The following FBXL7 variants were observed in gnomAD, a reference collection of about 807,000 sequenced individuals.
FBXL7 encodes F-box and leucine rich repeat protein 7, also known as F-box/LRR-repeat protein 7.
A neutral mutation model predicts 38.3 loss-of-function variants in FBXL7; 12 were observed. That is an observed-to-expected ratio of 0.31 (90% CI 0.20 to 0.51). FBXL7 has a LOEUF of 0.51. Among genes scored for constraint, FBXL7 ranks in the 20% least tolerant of loss-of-function variants. FBXL7 has a pLI of 0.98. For missense variants in FBXL7, 567 were observed against 676.4 expected, an observed-to-expected ratio of 0.84 and a Z score of 1.79; for synonymous variants, 297 against 300.9, an observed-to-expected ratio of 0.99 and a Z score of 0.13.
intron 2 of FBXL7, among the ~76,000 whole-genome samples, chr5:15,730,105 A>G (rs1170294516): frequency 6.6e-6 from 1 of 152,222 alleles, no homozygotes; most frequent in African/African-American, 2.4e-5. Flanking sequence ...AGGAAGATAT[A>G]TGCCCATATT....
chr5:15,758,882 TTAGAG>T (rs1310270522), intron 2 of FBXL7, among the ~76,000 whole-genome samples: 3 of 151,558 alleles, frequency 2.0e-5, no homozygotes, highest in African/African-American at 4.8e-5. Flanking sequence ...GATTTACACT[TTAGAG>T]TAGTTATAAT....
chr5:15,674,593 G>A (rs889265645), intron 2 of FBXL7, among the ~76,000 whole-genome samples: 1 of 151,992 alleles, frequency 6.6e-6, no homozygotes, highest in African/African-American at 2.4e-5. Flanking sequence ...TAACTCATAG[G>A]GTTTGTAATT....
In FBXL7 at chr5:15,692,013, G is replaced by A. The variant is rs61231161; in HGVS notation, c.127+75941G>A. 2.3e-3 allele frequency among the ~76,000 whole-genome samples: 351 copies of A among 152,222 alleles called. 2 individuals carry two copies. Among genetic ancestry groups the A allele is most frequent in the African/African-American group, 7.6e-3 (314 of 41,526 alleles). On this transcript the variant is annotated intron_variant, in intron 2 of 3. Transcript: ENST00000504595. ...AGGACTTTGGTTCTGGGAATGTGCC[G>A]TGGCTGAGCGTCTGCTGTGGATATG...
rs1315683988 is a variant in FBXL7 at position 15,928,449 on chromosome 5, C to A, written c.687C>A (p.Ala229=). Residue 229 remains alanine, a synonymous_variant, in exon 3 of 4, where the codon GCC becomes GCA. Coordinates refer to ENST00000504595, the MANE Select transcript of FBXL7 (RefSeq NM_012304.5). This position sits in a 1 kb window ranked among gnomAD's most constrained non-coding sequence, Gnocchi z 4.0. The part of the protein sequence containing the change: ...VSGCYNISNE[A]VFDVVSLCPN... ...GCTGTTACAATATCTCCAACGAGGC[C>A]GTCTTTGATGTGGTGTCCCTCTGCC... is the stretch of plus-strand genomic sequence containing the variant. 1 of 1,613,894 alleles carries A rather than the reference C, an allele frequency of 6.2e-7. No individual in the cohort carries two copies. Among genetic ancestry groups the A allele is most frequent in the Non-Finnish European group, 8.5e-7 (1 of 1,179,894 alleles).
At chr5:15,925,052 T>C (rs145151848) in intron 2 of FBXL7, among the ~76,000 whole-genome samples, 1 of 150,950 alleles carries the variant, frequency 6.6e-6, no homozygotes, top group Non-Finnish European at 1.5e-5. Flanking sequence ...CCTATGTCAC[T>C]AGAATGAGGA....
At chr5:15,733,321 G>A (rs931982519) in intron 2 of FBXL7, among the ~76,000 whole-genome samples, 3 of 152,146 alleles carry the variant, frequency 2.0e-5, no homozygotes, top group African/African-American at 4.8e-5. Context: ...TTGAACTCCT[G>A]ACCTCATGAT....
intron 1 of FBXL7, among the ~76,000 whole-genome samples, chr5:15,582,273 A>T (rs937164815): frequency 1.3e-5 from 2 of 152,182 alleles, no homozygotes; most frequent in African/African-American, 4.8e-5. Context: ...ATGCACTGAA[A>T]ATTGAAGAGG....
intron 1 of FBXL7, among the ~76,000 whole-genome samples, chr5:15,564,894 T>C (rs1280394781): frequency 6.6e-6 from 1 of 152,138 alleles, no homozygotes; most frequent in Admixed American, 6.6e-5. Context: ...CCACTAACAG[T>C]TATGTGGTTT....
intron 2 of FBXL7, among the ~76,000 whole-genome samples, chr5:15,745,939 C>T (rs1210315845): frequency 2.0e-5 from 3 of 152,134 alleles, no homozygotes; most frequent in Admixed American, 6.5e-5. Context: ...AGCTTAGCAG[C>T]AGGGAGAAAT....
intron 1 of FBXL7, among the ~76,000 whole-genome samples, chr5:15,564,767 G>A (rs922130865): frequency 6.6e-6 from 1 of 152,006 alleles, no homozygotes; most frequent in Non-Finnish European, 1.5e-5. Flanking sequence ...TTTAGCCAGA[G>A]TTGTGTGTAT....
intron 2 of FBXL7, among the ~76,000 whole-genome samples, chr5:15,787,200 G>T (rs373477230): frequency 6.6e-6 from 1 of 152,148 alleles, no homozygotes; most frequent in African/African-American, 2.4e-5. Context: ...CACCAAGCTC[G>T]ATATAATTTG....
At chr5:15,629,977 G>A (rs887974249) in intron 2 of FBXL7, among the ~76,000 whole-genome samples, 1 of 152,058 alleles carries the variant, frequency 6.6e-6, no homozygotes, top group East Asian at 1.9e-4. Flanking sequence ...GGAATATTTG[G>A]CAGTTATTTA....
intron 2 of FBXL7, among the ~76,000 whole-genome samples, chr5:15,883,034 TATCTC>T (rs1171504355): frequency 4.6e-5 from 7 of 152,300 alleles, no homozygotes; most frequent in African/African-American, 1.4e-4. Flanking sequence ...TATCAATAAT[TATCTC>T]ATCTTTCAAA....
intron 1 of FBXL7, chr5:15,580,813 G>C: frequency 1.0e-6 from 1 of 985,358 alleles, no homozygotes; most frequent in Non-Finnish European, 1.2e-6. Context: ...AGTTGCCCAG[G>C]TGAGCAGAGT....
intron 2 of FBXL7, among the ~76,000 whole-genome samples, chr5:15,814,296 C>A (rs445085): frequency 0.56 from 85,270 of 151,820 alleles, 24,619 homozygotes; most frequent in Non-Finnish European, 0.64. Context: ...ATGAAGCTGG[C>A]AACCATCATT....
chr5:15,673,168 TA>T lies in FBXL7; in HGVS notation c.127+57098del, dbSNP rs534247149. On this transcript the variant is annotated intron_variant, in intron 2 of 3. Coordinates refer to ENST00000504595, the MANE Select transcript of FBXL7 (RefSeq NM_012304.5). Reference sequence around the variant, plus strand: ...CCGTCTCCACTAAAAGTACAAAAATTAACCGGGCCTGGTGGCGGGCACCTGT... The same window carrying T: ...CCGTCTCCACTAAAAGTACAAAAATTACCGGGCCTGGTGGCGGGCACCTGT... Among the ~76,000 whole-genome samples, 86 of 152,012 alleles carry T rather than the reference TA, an allele frequency of 5.7e-4. 1 individual carries two copies. Among genetic ancestry groups the T allele is most frequent in the African/African-American group, 2.0e-3 (82 of 41,470 alleles).
chr5:15,927,509 C>T (rs1785149246), intron 2 of FBXL7, among the ~76,000 whole-genome samples: 1 of 152,148 alleles, frequency 6.6e-6, no homozygotes, highest in South Asian at 2.1e-4. Flanking sequence ...CGCTGGCTCA[C>T]ACCTGTAATA....
At chr5:15,880,078 G>C (rs1430336520) in intron 2 of FBXL7, among the ~76,000 whole-genome samples, 3 of 152,130 alleles carry the variant, frequency 2.0e-5, no homozygotes, top group Non-Finnish European at 4.4e-5. Context: ...TCAGGATGCT[G>C]GTCTGGTGAA....
intron 1 of FBXL7, among the ~76,000 whole-genome samples, chr5:15,591,016 C>T (rs1344881285): frequency 6.6e-6 from 1 of 152,156 alleles, no homozygotes. Context: ...AGGACCACAG[C>T]TTGCCCTTTT....
Sources: allele counts gnomAD v4.1 joint callset (sites outside exome capture counted in the v4.1 genomes callset), GRCh38; gene constraint gnomAD v4.1.1; non-coding constraint Gnocchi (gnomAD v3.1); transcripts MANE v1.5; gene names NCBI Gene and HGNC (gene_info 2026-07-23, HGNC 2026-07-21).